Variants in RNF138 observed in about 807,000 individuals in gnomAD.
The protein encoded by RNF138 is ring finger protein 138.
Under a neutral mutation model 31.0 loss-of-function variants are expected in RNF138, and 12 were observed. That is an observed-to-expected ratio of 0.39 (90% CI 0.25 to 0.63). The LOEUF (loss-of-function observed/expected upper bound fraction) is 0.63, where lower values mean the gene tolerates loss of function less well. RNF138 is among the 20% of genes least tolerant of loss of function. The probability of loss-of-function intolerance (pLI) is 0.52; values close to 1 mark genes in which losing one functional copy is unlikely to be tolerated. For missense variants in RNF138, 192 were observed against 300.1 expected, an observed-to-expected ratio of 0.64 and a Z score of 2.66; for synonymous variants, 105 against 99.5, an observed-to-expected ratio of 1.06 and a Z score of -0.33.
chr18:32,123,605 C>A (rs770401825), intron 5 of RNF138, 31 bp downstream of exon 5: 27 of 1,363,080 alleles, frequency 2.0e-5, no homozygotes, highest in Non-Finnish European at 6.1e-6. Flanking sequence ...GCCACTTTAG[C>A]AAGTAATATT....
At position 32,100,498 on chromosome 18, in the gene RNF138, G is replaced by T. The variant is rs189607485; in HGVS notation, c.110+7612G>T. 5.4e-5 allele frequency among the ~76,000 whole-genome samples: 6 copies of T among 111,088 alleles called. No homozygotes were observed. The East Asian group carries it at 1.7e-3, about 31-fold the overall frequency. 72.9% of individuals were successfully genotyped at this position (111,088 alleles called of 152,430 possible). A position where few individuals can be genotyped will look rare whatever the true frequency, so the allele number is the denominator to read the frequency against. On this transcript the variant is annotated intron_variant, in intron 2 of 7. Transcript: ENST00000261593. ...TTTTTTTTTTTTTTTTTTTTGAGAC[G>T]GAGTTTTGCTCTTGTTGGCCAGGCT...
At chr18:32,097,416 G>T (rs2039828871) in intron 2 of RNF138, among the ~76,000 whole-genome samples, 1 of 152,074 alleles carries the variant, frequency 6.6e-6, no homozygotes, top group South Asian at 2.1e-4. Context: ...TATTTGACCA[G>T]CTTGAACATC....
intron 6 of RNF138, 122 bp downstream of exon 6, chr18:32,124,967 G>A (rs2040361613): frequency 1.7e-6 from 1 of 590,414 alleles, no homozygotes; most frequent in Non-Finnish European, 3.0e-6. Flanking sequence ...TATCAGTAAG[G>A]TAGATTTTTG....
chr18:32,092,558 G>A (rs989304760), intron 1 of RNF138, 142 bp from the exon 2 acceptor site: 1 of 546,778 alleles, frequency 1.8e-6, no homozygotes, highest in Admixed American at 3.2e-5. Flanking sequence ...TGTGGGAGGA[G>A]CCGTGGGAGG....
chr18:32,094,832 T>G (rs1165865692), intron 2 of RNF138, among the ~76,000 whole-genome samples: 1 of 152,200 alleles, frequency 6.6e-6, no homozygotes, highest in Non-Finnish European at 1.5e-5. Flanking sequence ...ATTCTAATTA[T>G]CCTTTGGGTC....
chr18:32,108,770 G>A (rs1174220251), intron 2 of RNF138, among the ~76,000 whole-genome samples: 2 of 152,144 alleles, frequency 1.3e-5, no homozygotes, highest in Non-Finnish European at 2.9e-5. Flanking sequence ...CTGGACTCAA[G>A]CAATCCTCCT....
chr18:32,097,668 C>T (rs896999367), intron 2 of RNF138, among the ~76,000 whole-genome samples: 1 of 151,768 alleles, frequency 6.6e-6, no homozygotes, highest in Non-Finnish European at 1.5e-5. Context: ...CCACCATGCT[C>T]GGCTAATTTT....
At chr18:32,103,547 A>G (rs956506289) in intron 2 of RNF138, among the ~76,000 whole-genome samples, 1 of 151,536 alleles carries the variant, frequency 6.6e-6, no homozygotes, top group African/African-American at 2.4e-5. Flanking sequence ...GGCACCAAGA[A>G]AAAAAAAAGG....
chr18:32,123,454 TA>T, intron 4 of RNF138, 63 bp from the exon 5 acceptor site: 2 of 1,020,146 alleles, frequency 2.0e-6, no homozygotes, highest in Non-Finnish European at 2.9e-6. Flanking sequence ...TGGTTCAAGA[TA>T]ATGAACCTTT....
At chr18:32,104,942 AAAG>A (rs970018380) in intron 2 of RNF138, among the ~76,000 whole-genome samples, 4 of 152,218 alleles carry the variant, frequency 2.6e-5, no homozygotes, top group Non-Finnish European at 5.9e-5. Flanking sequence ...AATATTTGAA[AAAG>A]AAGAACATGC....
intron 4 of RNF138, among the ~76,000 whole-genome samples, chr18:32,122,902 A>T (rs2040328605): frequency 6.6e-6 from 1 of 152,212 alleles, no homozygotes; most frequent in Non-Finnish European, 1.5e-5. Context: ...CGGTCCCTGT[A>T]TGGAATACTT....
Position 32,092,080 on chromosome 18 carries a change from T to C in RNF138, c.-233T>C, listed in dbSNP as rs569451925. 1.4e-4 allele frequency: 22 copies of C among 152,642 alleles called. No homozygotes were observed. The East Asian group carries it at 4.1e-3, about 28-fold the overall frequency. 9.5% of individuals were successfully genotyped at this position (152,642 alleles called of 1,614,324 possible). On this transcript the variant is annotated 5_prime_UTR_variant, in exon 1 of 8. An upstream open reading frame in the 5' UTR loses its in-frame stop. Transcript: ENST00000261593. The stretch of plus-strand genomic sequence containing the variant: ...CGGCTCCGGCCCCGTTAGGGGCCGA[T>C]AAGCACAGCGCACGCCGCCCTCCAT...
Position 32,094,955 on chromosome 18 carries a change from G to A in RNF138, c.110+2069G>A, listed in dbSNP as rs543723395. Among the ~76,000 whole-genome samples, 89 of 152,248 alleles carry A rather than the reference G, an allele frequency of 5.8e-4. 1 individual carries two copies. Among genetic ancestry groups the A allele is most frequent in the Middle Eastern group, 3.4e-3 (1 of 294 alleles). ...TAAATCAAGGTTTATAATTTGATTT[G>A]ACCTCAAGACTGTGGAAAATGTTGG... On this transcript the variant is annotated intron_variant, in intron 2 of 7. Transcript: ENST00000261593.
At chr18:32,093,251 G>A (rs2039740661) in intron 2 of RNF138, among the ~76,000 whole-genome samples, 1 of 152,144 alleles carries the variant, frequency 6.6e-6, no homozygotes. Flanking sequence ...GGAATTGCAG[G>A]GATCTTGGAG....
intron 2 of RNF138, among the ~76,000 whole-genome samples, chr18:32,107,312 C>T (rs992306797): frequency 1.4e-4 from 20 of 144,030 alleles, no homozygotes; most frequent in Non-Finnish European, 2.9e-4. Flanking sequence ...TTAGTAGAGA[C>T]GGCATTCCAC....
rs151315163 is a variant in RNF138 at position 32,092,872 on chromosome 18, G to T, written c.96G>T (p.Thr32=). ...TGCTCAAAACGCCCGTGCGGACCACGGCCTGTCAGCACGTGTGAGTAGACG... is the reference window on the plus strand; with the variant it reads ...TGCTCAAAACGCCCGTGCGGACCACTGCCTGTCAGCACGTGTGAGTAGACG... ...QEVLKTPVRT[T]ACQHVFCRKC... The change falls in exon 2 of 8, where the codon ACG becomes ACT. Residue 32 remains threonine (T), a synonymous_variant. Transcript: ENST00000261593. The T allele has an allele frequency of 5.5e-4, 872 of 1,577,170 alleles. No homozygotes were observed. Among genetic ancestry groups the T allele is most frequent in the Middle Eastern group, 2.3e-3 (14 of 6,008 alleles).
chr18:32,128,142 C>T (rs762345556), intron 7 of RNF138, among the ~76,000 whole-genome samples: 5 of 152,160 alleles, frequency 3.3e-5, no homozygotes, highest in South Asian at 2.1e-4. Flanking sequence ...GATTTTAAAG[C>T]GAAATGCATA....
chr18:32,093,680 G>C (rs74563380), intron 2 of RNF138, among the ~76,000 whole-genome samples: 13 of 152,320 alleles, frequency 8.5e-5, no homozygotes, highest in African/African-American at 3.1e-4. Flanking sequence ...TACCCAGGGT[G>C]GGGGAGAACA....
chr18:32,106,627 C>T (rs1299770218), intron 2 of RNF138, among the ~76,000 whole-genome samples: 2 of 151,674 alleles, frequency 1.3e-5, no homozygotes, highest in Admixed American at 6.6e-5. Flanking sequence ...TGCAGTTGTG[C>T]GATCTCGGTT....
Sources: gnomAD v4.1 joint callset for allele counts (sites outside exome capture counted in the v4.1 genomes callset) on GRCh38, gnomAD v4.1.1 for gene constraint, MANE v1.5 for transcripts, NCBI Gene and HGNC (gene_info 2026-07-23, HGNC 2026-07-21) for gene names.